ARSB: variants seen among roughly 807,000 people sequenced by gnomAD.
The protein encoded by ARSB is arylsulfatase B, also known as N-acetylgalactosamine-4-sulfatase.
In ARSB, 41 loss-of-function variants were observed where a neutral mutation model predicts 50.9. The observed-to-expected ratio is 0.81, with a 90% confidence interval of 0.63 to 1.04. ARSB has a LOEUF of 1.04. Ranked by LOEUF, ARSB falls within the 50% of genes least tolerant of loss-of-function variation. The pLI is 0.00. For synonymous variants in ARSB, 269 were observed against 284.8 expected, an observed-to-expected ratio of 0.94 and a Z score of 0.56; for missense variants, 672 against 693.3, an observed-to-expected ratio of 0.97 and a Z score of 0.35.
Position 78,841,761 on chromosome 5 carries a change from C to T in ARSB, c.1143-2335G>A, listed in dbSNP as rs1007790956. Among the ~76,000 whole-genome samples the T allele has an allele frequency of 3.3e-5, 5 of 152,050 alleles. No homozygotes were observed. The South Asian group carries it at 6.2e-4, about 19-fold the overall frequency. Reference sequence around the variant, plus strand: ...TATTTTAAAATAAGTAAATTTAATACGATGAGATGATTTTTTGAAACCAAG... The same window carrying T: ...TATTTTAAAATAAGTAAATTTAATATGATGAGATGATTTTTTGAAACCAAG... On this transcript the variant is annotated intron_variant, in intron 5 of 7. Coordinates refer to ENST00000264914, the MANE Select transcript of ARSB (RefSeq NM_000046.5).
chr5:78,893,060 A>G (rs1748392526), intron 4 of ARSB, among the ~76,000 whole-genome samples: 2 of 151,660 alleles, frequency 1.3e-5, no homozygotes, highest in South Asian at 4.2e-4. Flanking sequence ...ATTGAATCAC[A>G]GGGGCAGATT....
chr5:78,834,607 G>GTATGTA (rs1554073637), intron 6 of ARSB, among the ~76,000 whole-genome samples: 6 of 85,644 alleles, frequency 7.0e-5, no homozygotes, highest in African/African-American at 1.2e-4. Flanking sequence ...ATATATATGT[G>GTATGTA]TATATATATA....
chr5:78,955,348 G>A lies in ARSB; in HGVS notation c.845C>T (p.Ala282Val), dbSNP rs1206187277. The A allele has an allele frequency of 6.2e-7, 1 of 1,614,048 alleles. No individual in the cohort carries two copies. The highest frequency in any genetic ancestry group is 1.3e-5 in the African/African-American group (1 of 74,924). ...CCAGAGCCCACTGCTTTTTAAAGCT[G>A]CAGTGACATTTCCTACTGCTTCATC... ...LMDEAVGNVT[A>V]ALKSSGLWNN... is the part of the protein sequence containing the mutation. Residue 282 changes from alanine to valine, a missense_variant, in exon 4 of 8, where the codon GCA becomes GTA. Ala to Val is a moderately conservative substitution (Grantham distance 64). Transcript: ENST00000264914.
chr5:78,938,597 T>A (rs1458289114), intron 4 of ARSB, among the ~76,000 whole-genome samples: 1 of 152,248 alleles, frequency 6.6e-6, no homozygotes, highest in African/African-American at 2.4e-5. Context: ...CTAGCACATA[T>A]AACTTTGTTC....
At chr5:78,967,189 C>T (rs886898973) in intron 2 of ARSB, among the ~76,000 whole-genome samples, 3 of 152,162 alleles carry the variant, frequency 2.0e-5, no homozygotes, top group Non-Finnish European at 4.4e-5. Flanking sequence ...AACCACCTAA[C>T]GTATTATTAA....
intron 6 of ARSB, among the ~76,000 whole-genome samples, chr5:78,827,319 C>T (rs562926578): frequency 6.6e-6 from 1 of 152,194 alleles, no homozygotes; most frequent in African/African-American, 2.4e-5. Flanking sequence ...AGCAATCCTC[C>T]CACCTTAGCC....
At chr5:78,840,376 T>G (rs986720035) in intron 5 of ARSB, among the ~76,000 whole-genome samples, 1 of 152,208 alleles carries the variant, frequency 6.6e-6, no homozygotes, top group African/African-American at 2.4e-5. Flanking sequence ...TGGTTTCAGG[T>G]GTCCCAGTGT....
At chr5:78,906,366 T>C (rs1749066434) in intron 4 of ARSB, among the ~76,000 whole-genome samples, 1 of 151,864 alleles carries the variant, frequency 6.6e-6, no homozygotes, top group Admixed American at 6.6e-5. Flanking sequence ...ACAAATAAAA[T>C]AGGAATTCCC....
intron 6 of ARSB, among the ~76,000 whole-genome samples, chr5:78,822,855 C>T (rs1203597851): frequency 2.0e-5 from 3 of 152,124 alleles, no homozygotes; most frequent in African/African-American, 7.2e-5. Flanking sequence ...CCAGGATGGT[C>T]TCGATCTCTT....
At chr5:78,802,958 T>C (rs1458405439) in intron 6 of ARSB, among the ~76,000 whole-genome samples, 1 of 152,222 alleles carries the variant, frequency 6.6e-6, no homozygotes, top group Non-Finnish European at 1.5e-5. Flanking sequence ...TGGACTTAAA[T>C]GAACCAATGT....
At chr5:78,844,196 T>C (rs1336836724) in intron 5 of ARSB, among the ~76,000 whole-genome samples, 1 of 152,186 alleles carries the variant, frequency 6.6e-6, no homozygotes, top group Non-Finnish European at 1.5e-5. Flanking sequence ...CTCCACATCT[T>C]TGACAACACT....
chr5:78,945,079 G>T (rs765794716), intron 4 of ARSB, among the ~76,000 whole-genome samples: 66 of 152,336 alleles, frequency 4.3e-4, no homozygotes, highest in Non-Finnish European at 6.8e-4. Flanking sequence ...CTCTGAGCCA[G>T]GCGCGGGATA....
rs188955562 is a variant in ARSB, at chr5:78,815,968, C to T, written c.1213+23388G>A. 2,266 of 1,549,984 alleles carry T rather than the reference C, an allele frequency of 1.5e-3. 96 individuals are homozygous for T. Among genetic ancestry groups the T allele is most frequent in the Middle Eastern group, 3.5e-3 (20 of 5,748 alleles). On this transcript the variant is annotated intron_variant, in intron 6 of 7. Coordinates refer to ENST00000264914, the MANE Select transcript of ARSB (RefSeq NM_000046.5). ...TATGATGCCAGGTTCCTAGTTCCCG[C>T]CTCTTCTGCCACTTCTGCAGGAGCC... is the stretch of plus-strand genomic sequence containing the variant.
At chr5:78,960,490 T>C (rs1466920616) in intron 3 of ARSB, among the ~76,000 whole-genome samples, 1 of 152,234 alleles carries the variant, frequency 6.6e-6, no homozygotes. Flanking sequence ...AACATTTTCT[T>C]TAAGAAGCTT....
chr5:78,930,257 T>C (rs1226880499), intron 4 of ARSB, among the ~76,000 whole-genome samples: 1 of 152,198 alleles, frequency 6.6e-6, no homozygotes, highest in Non-Finnish European at 1.5e-5. Flanking sequence ...TTTTGACTAA[T>C]TTGCATGTAT....
intron 6 of ARSB, among the ~76,000 whole-genome samples, chr5:78,835,763 G>A: frequency 6.6e-6 from 1 of 152,158 alleles, no homozygotes; most frequent in East Asian, 1.9e-4. Flanking sequence ...GAGACCCACA[G>A]AACACTGAAG....
At chr5:78,797,292 C>T (rs1013602522) in intron 6 of ARSB, among the ~76,000 whole-genome samples, 1 of 152,230 alleles carries the variant, frequency 6.6e-6, no homozygotes, top group African/African-American at 2.4e-5. Flanking sequence ...GCCTCATTTG[C>T]TTATTCTTTT....
intron 5 of ARSB, among the ~76,000 whole-genome samples, chr5:78,848,134 T>C (rs1342114460): frequency 2.0e-5 from 3 of 151,220 alleles, no homozygotes; most frequent in Non-Finnish European, 3.0e-5. Context: ...TAGTTACATA[T>C]GTATACATGT....
chr5:78,870,955 A>G (rs1747130954), intron 5 of ARSB, among the ~76,000 whole-genome samples: 2 of 152,150 alleles, frequency 1.3e-5, no homozygotes, highest in African/African-American at 4.8e-5. Context: ...CTGATAAGCA[A>G]CTTCAGCAAA....
Sources: allele counts gnomAD v4.1 joint callset (sites outside exome capture counted in the v4.1 genomes callset), GRCh38; gene constraint gnomAD v4.1.1; transcripts MANE v1.5; gene names NCBI Gene and HGNC (gene_info 2026-07-23, HGNC 2026-07-21).